DPF1: variants seen among roughly 807,000 people sequenced by gnomAD.
The protein encoded by DPF1 is double PHD fingers 1.
In DPF1, 14 loss-of-function variants were observed where a neutral mutation model predicts 58.7. That is an observed-to-expected ratio of 0.24 (90% CI 0.16 to 0.37). The LOEUF is 0.37. Among genes scored for constraint, DPF1 ranks in the 10% least tolerant of loss-of-function variants. The probability of loss-of-function intolerance (pLI) is 1.00; values close to 1 mark genes in which losing one functional copy is unlikely to be tolerated. For synonymous variants in DPF1, 216 were observed against 216.0 expected, an observed-to-expected ratio of 1.00 and a Z score of 0.00; for missense variants, 345 against 529.9, an observed-to-expected ratio of 0.65 and a Z score of 3.43.
rs932961862 is a variant in DPF1, at chr19:38,222,039, C to T, written c.298+318G>A. The stretch of plus-strand genomic sequence containing the variant: ...GTTGCGGGTTCAAGGTTCAACTCCC[C>T]GCTAGGTGGAGGTTGGGGGATCACG... On this transcript the variant is annotated intron_variant, in intron 3 of 11. Coordinates refer to ENST00000355526, the MANE Select transcript of DPF1 (RefSeq NM_001135155.3). The surrounding 1 kb of genome is among the most constrained non-coding windows in gnomAD (Gnocchi z 4.9). Among the ~76,000 whole-genome samples, 10 of 151,942 alleles carry T rather than the reference C, an allele frequency of 6.6e-5. No homozygotes were observed. Among genetic ancestry groups the T allele is most frequent in the Admixed American group, 1.3e-4 (2 of 15,240 alleles).
rs1973619063 is a variant in DPF1, at chr19:38,213,564, A to G, written c.1011+80T>C. 3.1e-6 allele frequency: 4 copies of G among 1,270,296 alleles called. No individual in the cohort carries two copies. The East Asian group carries it at 7.0e-5, about 22-fold the overall frequency. The allele number at this position is 1,270,296 out of a possible 1,614,324, so 78.7% of individuals were successfully genotyped here. ...TGTTCACCAGGGAAGGCTCAGGCACAGGCTTTAGGCTTAAGGGGCAGAGGT... is the reference window on the plus strand; with the variant it reads ...TGTTCACCAGGGAAGGCTCAGGCACGGGCTTTAGGCTTAAGGGGCAGAGGT... On this transcript the variant is annotated intron_variant, in intron 10 of 11. Coordinates refer to ENST00000355526, the MANE Select transcript of DPF1 (RefSeq NM_001135155.3).
intron 7 of DPF1, 75 bp downstream of exon 7, chr19:38,217,385 A>ACC: frequency 5.5e-6 from 1 of 183,390 alleles, no homozygotes; most frequent in Non-Finnish European, 9.2e-6. Flanking sequence ...ATGCCCCCCC[A>ACC]CCCCCACCCC....
chr19:38,222,517 CCCCGCCCTGCGCCAGCCCT>C lies in DPF1; in HGVS notation c.190+12_190+30del. The C allele has an allele frequency of 6.2e-7, 1 of 1,604,566 alleles. No individual in the cohort carries two copies. The highest frequency in any genetic ancestry group is 1.1e-5 in the South Asian group (1 of 90,250). ...GCGGCGGTGGGGCGGCCTGGCCCCG[CCCCGCCCTGCGCCAGCCCT>C]CCCGGCGGTACCCGGCCCGCGGTGG... On this transcript the variant is annotated intron_variant, in intron 2 of 11. Coordinates refer to ENST00000355526, the MANE Select transcript of DPF1 (RefSeq NM_001135155.3). This position sits in a 1 kb window ranked among gnomAD's most constrained non-coding sequence, Gnocchi z 4.9.
upstream of DPF1, among the ~76,000 whole-genome samples, chr19:38,224,686 C>A (rs1467786200): frequency 2.0e-5 from 3 of 152,094 alleles, no homozygotes; most frequent in Non-Finnish European, 4.4e-5. The surrounding 1 kb of genome is among the most constrained non-coding windows in gnomAD (Gnocchi z 4.5). Flanking sequence ...GCTCCAGAGA[C>A]CCCACCCGGG....
chr19:38,222,993 A>C lies in DPF1; in HGVS notation c.30-285T>G, dbSNP rs1967620342. The C allele has an allele frequency of 2.3e-6, 1 of 435,288 alleles. No homozygotes were observed. The highest frequency in any genetic ancestry group is 4.1e-6 in the Non-Finnish European group (1 of 245,960). 27.0% of individuals were successfully genotyped at this position (435,288 alleles called of 1,614,324 possible). ...GACGTATCCCTACCTGAACACATGCAGACACACAACACAAATCACACACAG... is the reference window on the plus strand; with the variant it reads ...GACGTATCCCTACCTGAACACATGCCGACACACAACACAAATCACACACAG... On this transcript the variant is annotated intron_variant, in intron 1 of 11. Transcript: ENST00000355526. This position sits in a 1 kb window ranked among gnomAD's most constrained non-coding sequence, Gnocchi z 4.9.
intron 1 of DPF1, 155 bp downstream of exon 1, chr19:38,223,959 G>T: frequency 3.0e-6 from 3 of 1,016,388 alleles, no homozygotes; most frequent in Non-Finnish European, 2.6e-6. Flanking sequence ...TCTTGTCAGA[G>T]ACCCACAGTC....
At chr19:38,212,224 C>T in intron 11 of DPF1, 56 bp downstream of exon 11, 2 of 1,464,752 alleles carry the variant, frequency 1.4e-6, no homozygotes. Context: ...TCTTCCACAA[C>T]CAGGAGATGG....
intron 3 of DPF1, chr19:38,219,454 A>T (rs1568632512): frequency 5.9e-6 from 1 of 170,768 alleles, no homozygotes; most frequent in Non-Finnish European, 1.2e-5. Flanking sequence ...TCTGAGACAG[A>T]TGCGGGAAGG....
chr19:38,227,538 C>A (rs921834950), upstream of DPF1, among the ~76,000 whole-genome samples: 1 of 152,182 alleles, frequency 6.6e-6, no homozygotes, highest in Non-Finnish European at 1.5e-5. Flanking sequence ...CCTGCCCCAT[C>A]CCCCAATGCC....
upstream of DPF1, among the ~76,000 whole-genome samples, chr19:38,225,588 A>AAACG (rs574893970): frequency 3.0e-4 from 46 of 151,528 alleles, no homozygotes; most frequent in East Asian, 7.8e-3. Context: ...ACAAACAAAC[A>AAACG]AACAAACAAA....
chr19:38,218,442 G>C, intron 5 of DPF1, 131 bp downstream of exon 5: 1 of 911,804 alleles, frequency 1.1e-6, no homozygotes. Flanking sequence ...CCCCACCCCT[G>C]CAGGCCGCTC....
rs552394258 is a variant in DPF1 at position 38,212,926 on chromosome 19, A to C, written c.1012-565T>G. On this transcript the variant is annotated intron_variant, in intron 10 of 11. Transcript: ENST00000355526. ...CCGCTCCCGGTCTGTGGGAAGTTTA[A>C]ATGACACCAAGATGATCTGATAGCA... 5.3e-5 allele frequency among the ~76,000 whole-genome samples: 8 copies of C among 151,218 alleles called. No individual in the cohort carries two copies. In the South Asian group the frequency reaches 1.7e-3, roughly 32 times the overall value.
In DPF1 at chr19:38,222,855, G is replaced by A. The variant is rs1967609484; in HGVS notation, c.30-147C>T. On this transcript the variant is annotated intron_variant, in intron 1 of 11. Coordinates refer to ENST00000355526, the MANE Select transcript of DPF1 (RefSeq NM_001135155.3). The surrounding 1 kb of genome is among the most constrained non-coding windows in gnomAD (Gnocchi z 4.9). ...CTCACCTCTCCCCTCCTCCCACTCC[G>A]GGACCCAGGCTGGGGGAAGGGGACA... is the stretch of plus-strand genomic sequence containing the variant. 1 of 1,208,848 alleles carries A rather than the reference G, an allele frequency of 8.3e-7. No individual in the cohort carries two copies. Among genetic ancestry groups the A allele is most frequent in the Non-Finnish European group, 1.1e-6 (1 of 915,164 alleles). 74.9% of individuals were successfully genotyped at this position (1,208,848 alleles called of 1,614,324 possible).
upstream of DPF1, chr19:38,224,341 C>T: frequency 8.2e-7 from 1 of 1,226,426 alleles, no homozygotes; most frequent in South Asian, 3.6e-5. This position sits in a 1 kb window ranked among gnomAD's most constrained non-coding sequence, Gnocchi z 4.5. Context: ...CGGGACCCCG[C>T]GGGGACGGGA....
At chr19:38,216,047 C>T (rs1351713664) in intron 9 of DPF1, 93 bp downstream of exon 9, 39 of 1,511,044 alleles carry the variant, frequency 2.6e-5, no homozygotes, top group South Asian at 5.3e-5. Context: ...CGGGTCCCCT[C>T]GGTCCTCACC....
At chr19:38,226,540 T>C (rs12973734), upstream of DPF1, among the ~76,000 whole-genome samples, 82,871 of 142,910 alleles carry the variant, frequency 0.58, 24,007 homozygotes, top group African/African-American at 0.69. Context: ...ACACACACAC[T>C]CCTCTAGTCT....
At chr19:38,212,521 A>G in intron 10 of DPF1, 160 bp from the exon 11 acceptor site, 1 of 513,002 alleles carries the variant, frequency 1.9e-6, no homozygotes, top group South Asian at 3.6e-5. Context: ...TGTGCGCAAC[A>G]CTGCTTAGCC....
At position 38,222,610 on chromosome 19, in the gene DPF1, G is replaced by A; in HGVS notation, c.128C>T (p.Ser43Leu). Residue 43 changes from serine (S) to leucine (L), a missense_variant, in exon 2 of 12, where the codon TCG becomes TTG. By Grantham distance (145) the Ser-to-Leu change is moderately radical. Transcript: ENST00000355526. This position sits in a 1 kb window ranked among gnomAD's most constrained non-coding sequence, Gnocchi z 4.9. ...GTTGTTCTGGGCCACGCCGGTCTGC[G>A]AGTCGAGGAAGGGCAGTCGCAGGCT... ...ERSLRLPFLD[S>L]QTGVAQNNCY... 2 of 1,611,996 alleles carry A rather than the reference G, an allele frequency of 1.2e-6. No homozygotes were observed. The highest frequency in any genetic ancestry group is 8.5e-7 in the Non-Finnish European group (1 of 1,179,210).
intron 7 of DPF1, 83 bp from the exon 8 acceptor site, chr19:38,216,486 C>A (rs1283372961): frequency 6.8e-7 from 1 of 1,463,928 alleles, no homozygotes; most frequent in Non-Finnish European, 9.1e-7. Context: ...AAGGATGGAC[C>A]TCTTAGTCCA....
Sources: gnomAD v4.1 joint callset for allele counts (sites outside exome capture counted in the v4.1 genomes callset) on GRCh38, gnomAD v4.1.1 for gene constraint, Gnocchi (gnomAD v3.1) non-coding constraint, MANE v1.5 for transcripts, NCBI Gene and HGNC (gene_info 2026-07-23, HGNC 2026-07-21) for gene names.